Variants in CTNNA2 observed in about 807,000 individuals in gnomAD.
CTNNA2 encodes catenin alpha 2, also known as catenin alpha-2.
CTNNA2 carries 42 observed loss-of-function variants against 101.0 expected under a neutral mutation model. The ratio of observed to expected loss-of-function variants is 0.42; its 90% confidence interval spans 0.32 to 0.54. The LOEUF is 0.54. Among genes scored for constraint, CTNNA2 ranks in the 20% least tolerant of loss-of-function variants. The probability of loss-of-function intolerance (pLI) is 0.14; values close to 1 mark genes in which losing one functional copy is unlikely to be tolerated. For missense variants in CTNNA2, 871 were observed against 1,223.1 expected (o/e 0.71, Z 4.29); for synonymous variants, 450 against 456.4 (o/e 0.99, Z 0.18).
At chr2:79,482,692 G>T (rs201788975) in intron 4 of CTNNA2, among the ~76,000 whole-genome samples, 1 of 152,142 alleles carries the variant, frequency 6.6e-6, no homozygotes, top group East Asian at 1.9e-4. Flanking sequence ...GCTAAAGAAG[G>T]ATTCACCAGC....
chr2:79,885,240 C>A (rs1479464618), intron 6 of CTNNA2, among the ~76,000 whole-genome samples: 2 of 152,070 alleles, frequency 1.3e-5, no homozygotes, highest in African/African-American at 2.4e-5. Context: ...AAATATAAGA[C>A]CTAGGAGATC....
At chr2:79,779,699 A>G (rs1007963850) in intron 3 of CTNNA2, among the ~76,000 whole-genome samples, 124 of 152,264 alleles carry the variant, frequency 8.1e-4, no homozygotes, top group Non-Finnish European at 1.3e-3. Context: ...TGGATGTATT[A>G]TCCAAAGGAG....
intron 2 of CTNNA2, among the ~76,000 whole-genome samples, chr2:79,302,681 A>AT (rs754911470): frequency 9.2e-5 from 14 of 152,162 alleles, no homozygotes; most frequent in Non-Finnish European, 1.8e-4. Flanking sequence ...TTAGATCTAG[A>AT]TTTTCTGCTT....
chr2:80,159,520 C>A (rs1331366762), intron 7 of CTNNA2, among the ~76,000 whole-genome samples: 1 of 152,168 alleles, frequency 6.6e-6, no homozygotes, highest in Non-Finnish European at 1.5e-5. Flanking sequence ...AATATATTTT[C>A]TTGTGCTAAC....
rs180989791 is a variant in CTNNA2 at position 80,647,506 on chromosome 2, A to G, written c.2575-79A>G. On this transcript the variant is annotated intron_variant, in intron 18 of 18. Transcript: ENST00000402739. ...ATTTGCACAAGGAAAACATTATTTT[A>G]ACCGTGAAAGTACATCACCATTTTG... The G allele has an allele frequency of 2.5e-6, 3 of 1,181,708 alleles. No homozygotes were observed. The African/African-American group carries it at 4.6e-5, about 18-fold the overall frequency. The allele number at this position is 1,181,708 out of a possible 1,614,324, so 73.2% of individuals were successfully genotyped here.
At chr2:79,439,047 G>A (rs951901071) in intron 4 of CTNNA2, among the ~76,000 whole-genome samples, 3 of 152,102 alleles carry the variant, frequency 2.0e-5, no homozygotes, top group African/African-American at 7.2e-5. Flanking sequence ...AGCATCATAG[G>A]ACCCAGTGAA....
At chr2:80,556,165 C>T (rs1259234980) in intron 12 of CTNNA2, among the ~76,000 whole-genome samples, 1 of 152,078 alleles carries the variant, frequency 6.6e-6, no homozygotes, top group East Asian at 1.9e-4. Context: ...AATTTTTCTG[C>T]TTACTTAATT....
intron 13 of CTNNA2, among the ~76,000 whole-genome samples, chr2:80,576,675 A>G (rs1695074799): frequency 6.6e-6 from 1 of 151,426 alleles, no homozygotes; most frequent in African/African-American, 2.4e-5. Context: ...TTTGTGTTCA[A>G]AGACACCTTC....
At position 80,018,988 on chromosome 2, in the gene CTNNA2, G is replaced by A. The variant is rs528589591; in HGVS notation, c.1056+109191G>A. On this transcript the variant is annotated intron_variant, in intron 7 of 18. Coordinates refer to ENST00000402739, the MANE Select transcript of CTNNA2 (RefSeq NM_001282597.3). ...TGAAAAAATAAGGATGGTTGTATCT[G>A]TGCTGAACATGGACAGACTTATTAT... Among the ~76,000 whole-genome samples, 11 of 152,244 alleles carry A rather than the reference G, an allele frequency of 7.2e-5. No individual in the cohort carries two copies. In the East Asian group the frequency reaches 2.1e-3, roughly 29 times the overall value.
intron 3 of CTNNA2, among the ~76,000 whole-genome samples, chr2:79,787,009 A>G (rs1410539261): frequency 6.6e-6 from 1 of 151,960 alleles, no homozygotes; most frequent in African/African-American, 2.4e-5. Flanking sequence ...CCTTGGCATT[A>G]TCTCCTCTAT....
At chr2:80,453,854 A>T (rs1021560251) in intron 9 of CTNNA2, among the ~76,000 whole-genome samples, 8 of 152,170 alleles carry the variant, frequency 5.3e-5, no homozygotes, top group African/African-American at 1.9e-4. Context: ...CTGAATGTCA[A>T]GCTTTTTGTG....
chr2:79,941,477 T>G (rs976564387), intron 7 of CTNNA2, among the ~76,000 whole-genome samples: 2 of 152,150 alleles, frequency 1.3e-5, no homozygotes, highest in African/African-American at 2.4e-5. Context: ...ATGATAAACA[T>G]GATGCATTAA....
intron 7 of CTNNA2, among the ~76,000 whole-genome samples, chr2:80,166,447 G>A (rs1039213535): frequency 6.6e-6 from 1 of 152,116 alleles, no homozygotes; most frequent in Admixed American, 6.5e-5. Flanking sequence ...CTGCTGGGTT[G>A]CTGAACACAT....
chr2:80,286,315 G>A (rs1330083448), intron 7 of CTNNA2, among the ~76,000 whole-genome samples: 1 of 152,088 alleles, frequency 6.6e-6, no homozygotes, highest in Non-Finnish European at 1.5e-5. Flanking sequence ...GCCCCACCGT[G>A]AGATGATATT....
At chr2:79,497,682 C>T (rs138588709) in intron 4 of CTNNA2, among the ~76,000 whole-genome samples, 58 of 152,290 alleles carry the variant, frequency 3.8e-4, no homozygotes, top group Middle Eastern at 3.4e-3. Flanking sequence ...AATCATGGTA[C>T]TCAGGTAGTC....
intron 2 of CTNNA2, among the ~76,000 whole-genome samples, chr2:79,254,636 A>G (rs371691845): frequency 6.6e-6 from 1 of 152,308 alleles, no homozygotes; most frequent in Non-Finnish European, 1.5e-5. Flanking sequence ...ACCCAGTCTC[A>G]GGTATTTCTT....
intron 3 of CTNNA2, among the ~76,000 whole-genome samples, chr2:79,780,417 C>T (rs1489684419): frequency 6.6e-6 from 1 of 152,164 alleles, no homozygotes; most frequent in Non-Finnish European, 1.5e-5. Context: ...ACTTTGGAGA[C>T]CTCAAAGAAT....
chr2:79,829,614 C>A (rs1181183080), intron 3 of CTNNA2, among the ~76,000 whole-genome samples: 1 of 151,930 alleles, frequency 6.6e-6, no homozygotes, highest in Non-Finnish European at 1.5e-5. Context: ...TATAAAGTGT[C>A]TTTTATTCAC....
At chr2:80,645,853 C>CCAT (rs1423432161) in intron 18 of CTNNA2, among the ~76,000 whole-genome samples, 1 of 152,092 alleles carries the variant, frequency 6.6e-6, no homozygotes, top group Non-Finnish European at 1.5e-5. Context: ...GTGGGTTACT[C>CCAT]CATCCATTTG....
Sources: gnomAD v4.1 joint callset for allele counts (sites outside exome capture counted in the v4.1 genomes callset) on GRCh38, gnomAD v4.1.1 for gene constraint, MANE v1.5 for transcripts, NCBI Gene and HGNC (gene_info 2026-07-23, HGNC 2026-07-21) for gene names.